ST8SIA6: variants seen among roughly 807,000 people sequenced by gnomAD.
ST8SIA6 encodes the protein alpha-2,8-sialyltransferase 8F.
In ST8SIA6, 39 loss-of-function variants were observed where a neutral mutation model predicts 33.6. That is an observed-to-expected ratio of 1.16 (90% CI 0.90 to 1.52). ST8SIA6 has a LOEUF of 1.52. Among genes scored for constraint, ST8SIA6 ranks in the 40% most tolerant of loss-of-function variants. The pLI is 0.00. For missense variants in ST8SIA6, 441 were observed against 443.8 expected, an observed-to-expected ratio of 0.99 and a Z score of 0.06; for synonymous variants, 172 against 167.2, an observed-to-expected ratio of 1.03 and a Z score of -0.22.
At chr10:17,451,773 C>T (rs950191864) in intron 2 of ST8SIA6, among the ~76,000 whole-genome samples, 10 of 152,020 alleles carry the variant, frequency 6.6e-5, no homozygotes, top group African/African-American at 1.9e-4. Flanking sequence ...AACTTGCACC[C>T]CTGCTCCATA....
At chr10:17,419,034 C>T (rs909150600) in intron 2 of ST8SIA6, among the ~76,000 whole-genome samples, 22 of 148,168 alleles carry the variant, frequency 1.5e-4, no homozygotes, top group African/African-American at 4.5e-4. Context: ...TAGTCATGCT[C>T]ACCAATCTAT....
At chr10:17,403,190 T>G (rs1851115363) in intron 2 of ST8SIA6, among the ~76,000 whole-genome samples, 1 of 152,246 alleles carries the variant, frequency 6.6e-6, no homozygotes, top group Non-Finnish European at 1.5e-5. Context: ...AGTATTGGCT[T>G]GCCTCAGTTG....
intron 2 of ST8SIA6, among the ~76,000 whole-genome samples, chr10:17,446,218 G>A (rs552993426): frequency 4.0e-5 from 6 of 151,842 alleles, no homozygotes; most frequent in Non-Finnish European, 8.8e-5. Context: ...AGGACATCTA[G>A]GTCGAAAACA....
At chr10:17,338,893 G>A (rs748168511) in intron 4 of ST8SIA6, among the ~76,000 whole-genome samples, 10 of 152,156 alleles carry the variant, frequency 6.6e-5, no homozygotes, top group Non-Finnish European at 1.3e-4. Context: ...TTTCTGTACT[G>A]CACCGAGTTC....
At chr10:17,360,412 T>C (rs1250367119) in intron 3 of ST8SIA6, among the ~76,000 whole-genome samples, 1 of 130,334 alleles carries the variant, frequency 7.7e-6, no homozygotes, top group East Asian at 3.0e-4. Flanking sequence ...ATATCTAGAT[T>C]GACAGAACAT....
At chr10:17,333,756 C>T (rs1478201130) in intron 4 of ST8SIA6, among the ~76,000 whole-genome samples, 3 of 97,540 alleles carry the variant, frequency 3.1e-5, no homozygotes, top group Admixed American at 1.3e-4. Flanking sequence ...CAGTCTTGCT[C>T]TGTCCCCCAG....
intron 2 of ST8SIA6, among the ~76,000 whole-genome samples, chr10:17,401,862 A>G (rs1019188055): frequency 1.3e-5 from 2 of 152,170 alleles, no homozygotes; most frequent in South Asian, 2.1e-4. Context: ...CATTCAGGAC[A>G]TAGGCATGGG....
intron 2 of ST8SIA6, among the ~76,000 whole-genome samples, chr10:17,446,486 A>C (rs1852711571): frequency 6.6e-6 from 1 of 152,214 alleles, no homozygotes; most frequent in Non-Finnish European, 1.5e-5. Context: ...TGAGAGAAGA[A>C]AATAATTGTA....
At chr10:17,381,594 A>G (rs1850154592) in intron 3 of ST8SIA6, among the ~76,000 whole-genome samples, 1 of 152,234 alleles carries the variant, frequency 6.6e-6, no homozygotes, top group African/African-American at 2.4e-5. Flanking sequence ...TGGTAAAGTA[A>G]TATTATAAGT....
chr10:17,320,845 T>G lies in ST8SIA6; in HGVS notation c.*33A>C. 1 of 1,597,198 alleles carries G rather than the reference T, an allele frequency of 6.3e-7. No individual in the cohort carries two copies. Among genetic ancestry groups the G allele is most frequent in the Non-Finnish European group, 8.6e-7 (1 of 1,165,922 alleles). ...ACATTGTTAATCACCTACTGCATTA[T>G]ATTAAAATTATTCCCATTTTAAGAT... On this transcript the variant is annotated 3_prime_UTR_variant, in exon 8 of 8. Coordinates refer to ENST00000377602, the MANE Select transcript of ST8SIA6 (RefSeq NM_001004470.3).
At chr10:17,326,454 T>C (rs565143013) in intron 6 of ST8SIA6, among the ~76,000 whole-genome samples, 1 of 152,314 alleles carries the variant, frequency 6.6e-6, no homozygotes, top group South Asian at 2.1e-4. Flanking sequence ...TGCTAGCTGA[T>C]ATTCAGATAG....
intron 2 of ST8SIA6, among the ~76,000 whole-genome samples, chr10:17,398,798 C>T (rs1177173493): frequency 2.0e-5 from 3 of 152,028 alleles, no homozygotes; most frequent in Non-Finnish European, 4.4e-5. Context: ...AGGAGAGCAC[C>T]CTAGCCACCA....
intron 2 of ST8SIA6, among the ~76,000 whole-genome samples, chr10:17,428,923 T>C (rs1346506772): frequency 6.6e-6 from 1 of 152,118 alleles, no homozygotes; most frequent in African/African-American, 2.4e-5. Context: ...TAACCTGAGA[T>C]ATGAATGGGG....
chr10:17,333,134 C>G (rs1209613868), intron 4 of ST8SIA6, among the ~76,000 whole-genome samples: 1 of 152,070 alleles, frequency 6.6e-6, no homozygotes, highest in Non-Finnish European at 1.5e-5. Context: ...GACTGAACTC[C>G]CATTCACAAT....
intron 3 of ST8SIA6, among the ~76,000 whole-genome samples, chr10:17,389,853 C>A (rs1009549699): frequency 6.6e-6 from 1 of 152,070 alleles, no homozygotes; most frequent in Non-Finnish European, 1.5e-5. Context: ...GACAGGATTT[C>A]GGTCTGTCAC....
chr10:17,429,085 G>C (rs1381526375), intron 2 of ST8SIA6, among the ~76,000 whole-genome samples: 1 of 151,762 alleles, frequency 6.6e-6, no homozygotes, highest in Non-Finnish European at 1.5e-5. Context: ...GTTTCGTTCT[G>C]TAGTGCCCCC....
At chr10:17,392,318 C>T (rs1850646605) in intron 2 of ST8SIA6, among the ~76,000 whole-genome samples, 1 of 152,156 alleles carries the variant, frequency 6.6e-6, no homozygotes, top group African/African-American at 2.4e-5. Context: ...TAGATGGAGA[C>T]ACCCAAGGAT....
chr10:17,410,925 A>AG (rs1851426804), intron 2 of ST8SIA6, among the ~76,000 whole-genome samples: 1 of 152,220 alleles, frequency 6.6e-6, no homozygotes, highest in Admixed American at 6.5e-5. Context: ...GGCTAACCAA[A>AG]TTTACTGTGC....
rs1256162311 is a variant in ST8SIA6, at chr10:17,318,761, C to A, written c.*2117G>T. 2.1e-6 allele frequency: 1 copy of A among 468,326 alleles called. No individual in the cohort carries two copies. Among genetic ancestry groups the A allele is most frequent in the South Asian group, 1.6e-5 (1 of 64,140 alleles). 29.0% of individuals were successfully genotyped at this position (468,326 alleles called of 1,614,324 possible). ...TGGTGAAAAATTTGCAATGATTCAC[C>A]AATACAGAACAAAAAGAACTGTGAC... On this transcript the variant is annotated 3_prime_UTR_variant, in exon 8 of 8. Transcript: ENST00000377602.
Sources: gnomAD v4.1 joint callset for allele counts (sites outside exome capture counted in the v4.1 genomes callset) on GRCh38, gnomAD v4.1.1 for gene constraint, MANE v1.5 for transcripts, NCBI Gene and HGNC (gene_info 2026-07-23, HGNC 2026-07-21) for gene names.